GLYATL1B: variants seen among roughly 807,000 people sequenced by gnomAD.
GLYATL1B encodes the protein glycine-N-acyltransferase like 1B.
Under a neutral mutation model 5.5 loss-of-function variants are expected in GLYATL1B, and 6 were observed. The ratio of observed to expected loss-of-function variants is 1.09; its 90% CI spans 0.60 to 2.15. The LOEUF (loss-of-function observed/expected upper bound fraction) is 2.15, where lower values mean the gene tolerates loss of function less well. Among genes scored for constraint, GLYATL1B ranks in the 30% most tolerant of loss-of-function variants. The pLI is 0.00. For missense variants in GLYATL1B, 135 were observed against 94.1 expected (o/e 1.43, Z -1.80); for synonymous variants, 67 against 34.9 (o/e 1.92, Z -3.24).
In GLYATL1B at chr11:59,093,919, T is replaced by C; in HGVS notation, c.314-15T>C. On this transcript the variant is annotated splice_polypyrimidine_tract_variant and intron_variant, in intron 3 of 4. Transcript: ENST00000527482. ...CTGCATGTCTGACAATATTGCTTTC[T>C]TGGCTTTCTCTCAGGTTTTCAAGAA... The C allele has an allele frequency of 6.1e-6, 4 of 656,172 alleles. No homozygotes were observed. In the South Asian group the frequency reaches 8.3e-5, roughly 14 times the overall value. The allele number at this position is 656,172 out of a possible 1,614,324, so 40.6% of individuals were successfully genotyped here.
In GLYATL1B at chr11:59,094,460, C is replaced by A; in HGVS notation, c.583C>A (p.Leu195Met). The change falls in exon 5 of 5, where the codon CTG (leucine) becomes ATG (methionine). Residue 195 changes from leucine (L) to methionine (M), a missense_variant. Physicochemically the swap from Leu to Met is conservative, Grantham distance 15. Transcript: ENST00000527482. The part of the protein sequence containing the change: ...NWKLGMNKRS[L>M]RYIKRCLGAL... ...GAAGCTAGGGATGAATAAGAGGAGC[C>A]TGCGTTACATCAAGCGCTGCCTAGG... 2 of 716,652 alleles carry A rather than the reference C, an allele frequency of 2.8e-6. No individual in the cohort carries two copies. Among genetic ancestry groups the A allele is most frequent in the Admixed American group, 2.0e-5 (1 of 50,418 alleles). 44.4% of individuals were successfully genotyped at this position (716,652 alleles called of 1,614,324 possible). A position where few individuals can be genotyped will look rare whatever the true frequency, so the allele number is the denominator to read the frequency against.
In GLYATL1B at chr11:59,093,922, G is replaced by C; in HGVS notation, c.314-12G>C. On this transcript the variant is annotated splice_polypyrimidine_tract_variant and intron_variant, in intron 3 of 4. Transcript: ENST00000527482. ...CATGTCTGACAATATTGCTTTCTTG[G>C]CTTTCTCTCAGGTTTTCAAGAAAGT... is the stretch of plus-strand genomic sequence containing the variant. The C allele has an allele frequency of 1.5e-6, 1 of 656,354 alleles. No homozygotes were observed. 40.7% of individuals were successfully genotyped at this position (656,354 alleles called of 1,614,324 possible).
intron 2 of GLYATL1B, among the ~76,000 whole-genome samples, chr11:59,089,251 TCTC>T (rs1401103875): frequency 6.6e-6 from 1 of 152,208 alleles, no homozygotes; most frequent in African/African-American, 2.4e-5. Context: ...AGTCAGTCAT[TCTC>T]CTCCTGTTGG....
At chr11:59,089,770 G>C (rs1378579520) in intron 2 of GLYATL1B, among the ~76,000 whole-genome samples, 1 of 152,170 alleles carries the variant, frequency 6.6e-6, no homozygotes, top group East Asian at 1.9e-4. Context: ...GCCCAATTTA[G>C]AATTATTTTC....
intron 2 of GLYATL1B, among the ~76,000 whole-genome samples, chr11:59,090,842 G>A (rs998095655): frequency 6.6e-6 from 1 of 151,998 alleles, no homozygotes; most frequent in East Asian, 1.9e-4. Flanking sequence ...CATAATAAAA[G>A]TTCTATCCTT....
chr11:59,086,394 C>G lies in GLYATL1B; in HGVS notation c.78+10C>G. ...TCCTGAGTCCCTGAAGGTGAAGGAA[C>G]AGTGGGAGGTTGGGGTATGGGAGTA... is the stretch of plus-strand genomic sequence containing the variant. On this transcript the variant is annotated intron_variant, in intron 1 of 4. Coordinates refer to ENST00000527482, the MANE Select transcript of GLYATL1B (RefSeq NM_001355566.1). The G allele has an allele frequency of 2.5e-6, 1 of 398,680 alleles. No individual in the cohort carries two copies. Among genetic ancestry groups the G allele is most frequent in the Non-Finnish European group, 4.4e-6 (1 of 225,708 alleles). 24.7% of individuals were successfully genotyped at this position (398,680 alleles called of 1,614,324 possible).
intron 2 of GLYATL1B, among the ~76,000 whole-genome samples, chr11:59,090,678 T>C (rs1859289506): frequency 1.3e-5 from 2 of 152,108 alleles, no homozygotes; most frequent in Non-Finnish European, 2.9e-5. Context: ...TTATTTGTTT[T>C]TGTTTTCTGT....
Position 59,087,108 on chromosome 11 carries a change from C to G in GLYATL1B, c.123C>G (p.Asn41Lys). The G allele has an allele frequency of 1.5e-6, 1 of 682,256 alleles. No individual in the cohort carries two copies. Among genetic ancestry groups the G allele is most frequent in the South Asian group, 1.9e-5 (1 of 52,576 alleles). The allele number at this position is 682,256 out of a possible 1,614,324, so 42.3% of individuals were successfully genotyped here. Reference protein sequence around the residue: ...LFHINHGNPFNMEVLVDSWPE... With the variant: ...LFHINHGNPFKMEVLVDSWPE... ...ACATCAATCACGGGAACCCCTTCAA[C>G]ATGGAAGTGTTGGTGGACTCCTGGC... The change falls in exon 2 of 5, where the codon AAC (asparagine) becomes AAG (lysine). Residue 41 changes from asparagine (N) to lysine (K), a missense_variant. Asn to Lys is a moderately conservative substitution (Grantham distance 94). Coordinates refer to ENST00000527482, the MANE Select transcript of GLYATL1B (RefSeq NM_001355566.1).
Position 59,094,656 on chromosome 11 carries a change from T to A in GLYATL1B, c.779T>A (p.Ile260Asn). 1 of 432,354 alleles carries A rather than the reference T, an allele frequency of 2.3e-6. No individual in the cohort carries two copies. The allele number at this position is 432,354 out of a possible 1,614,324, so 26.8% of individuals were successfully genotyped here. The change falls in exon 5 of 5, where the codon ATT (isoleucine) becomes AAT (asparagine). Residue 260 changes from isoleucine (I) to asparagine (N), a missense_variant. By Grantham distance (149) the Ile-to-Asn change is moderately radical. Coordinates refer to ENST00000527482, the MANE Select transcript of GLYATL1B (RefSeq NM_001355566.1). ...ATGAAGTATCTGTGTCAGAAGAATA[T>A]TCCATTTTACGGCTCTGTGCTGGAA... ...RCMKYLCQKN[I>N]PFYGSVLEEN...
chr11:59,086,371 C>T lies in GLYATL1B; in HGVS notation c.65C>T (p.Pro22Leu), dbSNP rs1384701841. 5.0e-6 allele frequency: 2 copies of T among 398,766 alleles called. No individual in the cohort carries two copies. The highest frequency in any genetic ancestry group is 4.1e-5 in the African/African-American group (2 of 48,538). The allele number at this position is 398,766 out of a possible 1,614,324, so 24.7% of individuals were successfully genotyped here. Residue 22 changes from proline (P) to leucine (L), a missense_variant, in exon 1 of 5, where the codon CCT becomes CTT. Physicochemically the swap from Pro to Leu is moderately conservative, Grantham distance 98 (BLOSUM62 -3). Transcript: ENST00000527482. ...TTCAAATCTTTAGCAAGGAGCATTC[C>T]TGAGTCCCTGAAGGTGAAGGAACAG... ...ALFKSLARSI[P>L]ESLKVYGSLF...
chr11:59,093,341 C>T (rs1859359765), intron 2 of GLYATL1B, among the ~76,000 whole-genome samples, 188 bp from the exon 3 acceptor site: 1 of 152,204 alleles, frequency 6.6e-6, no homozygotes, highest in Admixed American at 6.5e-5. Flanking sequence ...TAACAAACTC[C>T]AGTTACACAG....
At chr11:59,086,623 G>A (rs1483966041) in intron 1 of GLYATL1B, among the ~76,000 whole-genome samples, 10 of 152,128 alleles carry the variant, frequency 6.6e-5, no homozygotes, top group Admixed American at 1.3e-4. Flanking sequence ...TGGTGGCTAC[G>A]AACATCGGTT....
rs1859196516 is a variant in GLYATL1B at position 59,086,402 on chromosome 11, G to T, written c.78+18G>T. On this transcript the variant is annotated intron_variant, in intron 1 of 4. Transcript: ENST00000527482. ...CCCTGAAGGTGAAGGAACAGTGGGAGGTTGGGGTATGGGAGTAGGGGTGTT... is the reference window on the plus strand; with the variant it reads ...CCCTGAAGGTGAAGGAACAGTGGGATGTTGGGGTATGGGAGTAGGGGTGTT... 2.5e-6 allele frequency: 1 copy of T among 398,690 alleles called. No homozygotes were observed. Among genetic ancestry groups the T allele is most frequent in the Middle Eastern group, 6.2e-4 (1 of 1,622 alleles). The allele number at this position is 398,690 out of a possible 1,614,324, so 24.7% of individuals were successfully genotyped here.
At chr11:59,090,853 G>C (rs1859293078) in intron 2 of GLYATL1B, among the ~76,000 whole-genome samples, 1 of 151,932 alleles carries the variant, frequency 6.6e-6, no homozygotes, top group African/African-American at 2.4e-5. Context: ...TTCTATCCTT[G>C]TCTCATTCCT....
At chr11:59,093,383 C>G (rs1372646134) in intron 2 of GLYATL1B, 146 bp from the exon 3 acceptor site, 1 of 376,714 alleles carries the variant, frequency 2.7e-6, no homozygotes, top group Middle Eastern at 6.4e-4. Context: ...ATAGGTCTCA[C>G]TTATATTATC....
intron 2 of GLYATL1B, 143 bp downstream of exon 2, chr11:59,087,314 C>T (rs1300850093): frequency 4.0e-5 from 16 of 395,856 alleles, no homozygotes; most frequent in Non-Finnish European, 5.8e-5. Context: ...GGGCAGCTTG[C>T]GTGAGTGCCA....
chr11:59,090,980 C>A (rs115601191), intron 2 of GLYATL1B, among the ~76,000 whole-genome samples: 1 of 152,020 alleles, frequency 6.6e-6, no homozygotes, highest in Non-Finnish European at 1.5e-5. Context: ...TTAGAATGAA[C>A]GGTAGATTTT....
rs1239908689 is a variant in GLYATL1B, at chr11:59,094,726, T to G, written c.849T>G (p.Leu283=). ...VIRKTSALGF[L]EASCQWHQWN... is the part of the protein sequence containing the mutation. ...GAAAGACTAGTGCACTAGGTTTCCT[T>G]GAGGCCTCCTGTCAGTGGCACCAAT... The change falls in exon 5 of 5, where the codon CTT becomes CTG. Residue 283 remains leucine, a synonymous_variant. Coordinates refer to ENST00000527482, the MANE Select transcript of GLYATL1B (RefSeq NM_001355566.1). 7 of 463,908 alleles carry G rather than the reference T, an allele frequency of 1.5e-5. No homozygotes were observed. Among genetic ancestry groups the G allele is most frequent in the Non-Finnish European group, 2.7e-5 (7 of 254,806 alleles). 28.7% of individuals were successfully genotyped at this position (463,908 alleles called of 1,614,324 possible).
At position 59,093,574 on chromosome 11, in the gene GLYATL1B, T is replaced by C. The variant is rs1859366415; in HGVS notation, c.232T>C (p.Phe78Leu). The C allele has an allele frequency of 1.4e-5, 7 of 486,754 alleles. No homozygotes were observed. The highest frequency in any genetic ancestry group is 9.5e-5 in the Admixed American group (3 of 31,720). 30.2% of individuals were successfully genotyped at this position (486,754 alleles called of 1,614,324 possible). A position where few individuals can be genotyped will look rare whatever the true frequency, so the allele number is the denominator to read the frequency against. ...MDSYTNVYRV[F>L]SKDPQKSQEV... ...TTCATACACTAATGTATATCGTGTA[T>C]TCTCCAAAGACCCTCAAAAATCACA... is the stretch of plus-strand genomic sequence containing the variant. Residue 78 changes from phenylalanine (F) to leucine (L), a missense_variant, in exon 3 of 5, where the codon TTC becomes CTC. Transcript: ENST00000527482.
Sources: allele counts gnomAD v4.1 joint callset (sites outside exome capture counted in the v4.1 genomes callset), GRCh38; gene constraint gnomAD v4.1.1; transcripts MANE v1.5; gene names NCBI Gene and HGNC (gene_info 2026-07-23, HGNC 2026-07-21).